Variants in KLHDC8B observed in about 807,000 individuals in gnomAD.
The protein encoded by KLHDC8B is kelch domain-containing protein 8B.
KLHDC8B carries 19 observed loss-of-function variants against 26.3 expected under a neutral mutation model. The ratio of observed to expected loss-of-function variants is 0.72; its 90% CI spans 0.50 to 1.06. KLHDC8B has a LOEUF of 1.06. KLHDC8B is among the 50% of genes least tolerant of loss of function. The pLI, the probability that KLHDC8B is intolerant of heterozygous loss-of-function variation, is 0.00. For synonymous variants in KLHDC8B, 150 were observed against 188.4 expected (o/e 0.80, Z 1.67); for missense variants, 411 against 488.1 (o/e 0.84, Z 1.49).
chr3:49,173,381 A>T (rs543876961), intron 2 of KLHDC8B, among the ~76,000 whole-genome samples: 1 of 152,044 alleles, frequency 6.6e-6, no homozygotes, highest in South Asian at 2.1e-4. Context: ...ATGATGGGAG[A>T]CCCCAGCCAT....
Position 49,174,383 on chromosome 3 carries a change from G to C in KLHDC8B, c.521G>C (p.Gly174Ala). The change falls in exon 3 of 6, where the codon GGG (glycine) becomes GCG (alanine). Residue 174 changes from glycine (G) to alanine (A), a missense_variant. Coordinates refer to ENST00000332780, the MANE Select transcript of KLHDC8B (RefSeq NM_173546.3). The stretch of plus-strand genomic sequence containing the variant: ...TATGGGGCCTCCACCTTCCTGCACG[G>C]GAACAAGATCTATGTCCTGGGTAAG... ...PCYGASTFLHGNKIYVLGGRQ... is the reference protein window; with the variant it reads ...PCYGASTFLHANKIYVLGGRQ... 6.2e-7 allele frequency: 1 copy of C among 1,613,704 alleles called. No homozygotes were observed. Among genetic ancestry groups the C allele is most frequent in the Non-Finnish European group, 8.5e-7 (1 of 1,179,784 alleles).
At chr3:49,175,341 T>C (rs1281373841) in intron 5 of KLHDC8B, among the ~76,000 whole-genome samples, 178 bp downstream of exon 5, 1 of 152,196 alleles carries the variant, frequency 6.6e-6, no homozygotes, top group Non-Finnish European at 1.5e-5. Flanking sequence ...ACTCAGGGTG[T>C]TCCTCAGTGA....
At chr3:49,173,887 C>G (rs954277169) in intron 2 of KLHDC8B, among the ~76,000 whole-genome samples, 7 of 152,214 alleles carry the variant, frequency 4.6e-5, no homozygotes, top group African/African-American at 1.7e-4. Flanking sequence ...AGCCATCCCC[C>G]CATCTTCCTC....
At chr3:49,173,475 G>C (rs1034676324) in intron 2 of KLHDC8B, among the ~76,000 whole-genome samples, 1 of 152,256 alleles carries the variant, frequency 6.6e-6, no homozygotes, top group East Asian at 1.9e-4. Flanking sequence ...TGGGGTGGGG[G>C]AGAGGAGTAG....
At chr3:49,174,459 A>T in intron 3 of KLHDC8B, 56 bp downstream of exon 3, 1 of 1,554,182 alleles carries the variant, frequency 6.4e-7, no homozygotes, top group Non-Finnish European at 8.8e-7. Context: ...CCTCATCCTC[A>T]TAGGTTGGCT....
chr3:49,172,309 G>C (rs2045774907), intron 1 of KLHDC8B, among the ~76,000 whole-genome samples: 1 of 152,150 alleles, frequency 6.6e-6, no homozygotes, highest in Admixed American at 6.5e-5. Flanking sequence ...GAAGGGTCCT[G>C]GATGGAGAGT....
chr3:49,172,059 G>C (rs1487527554), intron 1 of KLHDC8B, among the ~76,000 whole-genome samples: 4 of 152,216 alleles, frequency 2.6e-5, no homozygotes, highest in Admixed American at 6.5e-5. Context: ...CTCGAGAGGA[G>C]AGTGTGGAAC....
Position 49,174,904 on chromosome 3 carries a change from C to T in KLHDC8B, c.704C>T (p.Pro235Leu). ...CTGGGTGGCCTGCAGCAGCCTGGGC[C>T]CCACAACTTCTACTCTCGCCCACAC... ...FSLGGLQQPG[P>L]HNFYSRPHFV... Residue 235 changes from proline to leucine, a missense_variant, in exon 4 of 6, where the codon CCC (proline) becomes CTC (leucine). Coordinates refer to ENST00000332780, the MANE Select transcript of KLHDC8B (RefSeq NM_173546.3). The T allele has an allele frequency of 1.9e-6, 3 of 1,614,142 alleles. No individual in the cohort carries two copies. Among genetic ancestry groups the T allele is most frequent in the Non-Finnish European group, 2.5e-6 (3 of 1,180,036 alleles).
rs758765503 is a variant in KLHDC8B at position 49,172,940 on chromosome 3, C to G, written c.171C>G (p.His57Gln). 4 of 1,614,042 alleles carry G rather than the reference C, an allele frequency of 2.5e-6. No individual in the cohort carries two copies. The highest frequency in any genetic ancestry group is 3.4e-6 in the Non-Finnish European group (4 of 1,180,014). ...DTAETLDMAS[H>Q]TWLALAPLPT... is the part of the protein sequence containing the mutation. ...CTGAGACACTGGACATGGCCTCGCA[C>G]ACATGGCTGGCACTGGCACCCCTGC... Residue 57 changes from histidine (H) to glutamine (Q), a missense_variant, in exon 2 of 6, where the codon CAC (histidine) becomes CAG (glutamine). Transcript: ENST00000332780.
In KLHDC8B at chr3:49,174,901, G is replaced by A; in HGVS notation, c.701G>A (p.Gly234Glu). The A allele has an allele frequency of 1.2e-6, 2 of 1,614,162 alleles. No individual in the cohort carries two copies. Among genetic ancestry groups the A allele is most frequent in the Non-Finnish European group, 1.7e-6 (2 of 1,180,038 alleles). ...AGCCTGGGTGGCCTGCAGCAGCCTG[G>A]GCCCCACAACTTCTACTCTCGCCCA... ...VFSLGGLQQP[G>E]PHNFYSRPHF... The change falls in exon 4 of 6, where the codon GGG (glycine) becomes GAG (glutamate). Residue 234 changes from glycine (G) to glutamate (E), a missense_variant. Coordinates refer to ENST00000332780, the MANE Select transcript of KLHDC8B (RefSeq NM_173546.3).
chr3:49,174,534 C>A, intron 3 of KLHDC8B, 131 bp downstream of exon 3: 3 of 1,211,902 alleles, frequency 2.5e-6, no homozygotes, highest in East Asian at 2.5e-5. Flanking sequence ...GTGATCCATG[C>A]CTGCTCTGAG....
intron 5 of KLHDC8B, among the ~76,000 whole-genome samples, chr3:49,175,399 G>A (rs2045817312): frequency 6.6e-6 from 1 of 152,218 alleles, no homozygotes; most frequent in South Asian, 2.1e-4. Context: ...ACAGCAGCAG[G>A]ACAAATGACC....
chr3:49,175,459 A>G (rs1420134056), intron 5 of KLHDC8B, 146 bp from the exon 6 acceptor site: 3 of 661,040 alleles, frequency 4.5e-6, no homozygotes, highest in Non-Finnish European at 8.0e-6. Flanking sequence ...GAATGAACAA[A>G]TGATGAACAT....
At position 49,175,794 on chromosome 3, in the gene KLHDC8B, G is replaced by A. The variant is rs374910661; in HGVS notation, c.1058G>A (p.Gly353Glu). 1 of 1,614,000 alleles carries A rather than the reference G, an allele frequency of 6.2e-7. No homozygotes were observed. The change falls in exon 6 of 6, where the codon GGG becomes GAG. Residue 353 changes from glycine (G) to glutamate (E), a missense_variant. Transcript: ENST00000332780. ...QAVEALCLRD[G>E]V is the part of the protein sequence containing the mutation. ...GTGGAGGCACTGTGTCTGCGTGATGGGGTCTGAAGGCTTGGTGGGAGCTGT... is the reference window on the plus strand; with the variant it reads ...GTGGAGGCACTGTGTCTGCGTGATGAGGTCTGAAGGCTTGGTGGGAGCTGT...
intron 3 of KLHDC8B, 108 bp downstream of exon 3, chr3:49,174,511 A>C (rs2045802572): frequency 5.3e-6 from 7 of 1,317,022 alleles, no homozygotes; most frequent in Admixed American, 2.5e-5. Context: ...AAAACAAGAG[A>C]AGCTTTGTTG....
At chr3:49,173,205 C>T in intron 2 of KLHDC8B, 60 bp downstream of exon 2, 1 of 1,464,762 alleles carries the variant, frequency 6.8e-7, no homozygotes, top group Non-Finnish European at 9.1e-7. Flanking sequence ...TATTTCCTGA[C>T]TTAGTCCCTT....
At chr3:49,174,186 G>A in intron 2 of KLHDC8B, 53 bp from the exon 3 acceptor site, 1 of 1,443,012 alleles carries the variant, frequency 6.9e-7, no homozygotes, top group Non-Finnish European at 9.6e-7. Context: ...AGCTGTCAGG[G>A]TGGGGTACCC....
Position 49,172,898 on chromosome 3 carries a change from A to G in KLHDC8B, c.129A>G (p.Gly43=). Residue 43 remains glycine (G), a synonymous_variant, in exon 2 of 6, where the codon GGA becomes GGG. Coordinates refer to ENST00000332780, the MANE Select transcript of KLHDC8B (RefSeq NM_173546.3). ...LLVLGGCGRA[G]LPLDTAETLD... is the part of the protein sequence containing the mutation. ...TGTTGGGGGGTTGTGGCCGGGCTGG[A>G]CTGCCCCTGGACACTGCTGAGACAC... is the stretch of plus-strand genomic sequence containing the variant. 3 of 1,614,098 alleles carry G rather than the reference A, an allele frequency of 1.9e-6. No individual in the cohort carries two copies. Among genetic ancestry groups the G allele is most frequent in the Non-Finnish European group, 1.7e-6 (2 of 1,180,022 alleles).
Position 49,174,401 on chromosome 3 carries a change from T to C in KLHDC8B, c.539T>C (p.Leu180Pro). 1 of 1,611,910 alleles carries C rather than the reference T, an allele frequency of 6.2e-7. No homozygotes were observed. The highest frequency in any genetic ancestry group is 8.5e-7 in the Non-Finnish European group (1 of 1,178,504). Reference protein sequence around the residue: ...TFLHGNKIYVLGGRQGKLPVT... With the variant: ...TFLHGNKIYVPGGRQGKLPVT... ...CTGCACGGGAACAAGATCTATGTCC[T>C]GGGTAAGGGCCTGGGGAATGTGGGA... is the stretch of plus-strand genomic sequence containing the variant. Residue 180 changes from leucine (L) to proline (P), a missense_variant and splice_region_variant, in exon 3 of 6, where the codon CTG (leucine) becomes CCG (proline). Transcript: ENST00000332780.
Sources: allele counts gnomAD v4.1 joint callset (sites outside exome capture counted in the v4.1 genomes callset), GRCh38; gene constraint gnomAD v4.1.1; transcripts MANE v1.5; gene names NCBI Gene and HGNC (gene_info 2026-07-23, HGNC 2026-07-21).